Variants in WNT4 observed in about 807,000 individuals in gnomAD.
WNT4 encodes Wnt family member 4.
In WNT4, 16 loss-of-function variants were observed where a neutral mutation model predicts 34.5. That is an observed-to-expected ratio of 0.46 (90% CI 0.31 to 0.70). WNT4 has a LOEUF of 0.70. Ranked by LOEUF, WNT4 falls within the 30% of genes least tolerant of loss-of-function variation. The pLI, the probability that WNT4 is intolerant of heterozygous loss-of-function variation, is 0.04. For missense variants in WNT4, 379 were observed against 495.9 expected (o/e 0.76, Z 2.24); for synonymous variants, 200 against 211.9 (o/e 0.94, Z 0.49).
In WNT4 at chr1:22,119,652, C is replaced by A. The variant is rs932029048; in HGVS notation, c.*398G>T. On this transcript the variant is annotated 3_prime_UTR_variant, in exon 5 of 5. Coordinates refer to ENST00000290167, the MANE Select transcript of WNT4 (RefSeq NM_030761.5). ...GGGTGTGACTTCCATCAAGTCGGTA[C>A]CTATTTTCCCTGCCATAAGGCCCCC... 1 of 313,912 alleles carries A rather than the reference C, an allele frequency of 3.2e-6. No homozygotes were observed. The highest frequency in any genetic ancestry group is 6.1e-6 in the Non-Finnish European group (1 of 164,502). 19.4% of individuals were successfully genotyped at this position (313,912 alleles called of 1,614,324 possible). A position where few individuals can be genotyped will look rare whatever the true frequency, so the allele number is the denominator to read the frequency against.
intron 1 of WNT4, among the ~76,000 whole-genome samples, chr1:22,135,105 G>A (rs1413953721): frequency 1.3e-5 from 2 of 152,182 alleles, no homozygotes; most frequent in African/African-American, 2.4e-5. Context: ...GTGCTGCTAG[G>A]ACATCAAGAG....
At chr1:22,133,706 T>C (rs149144834) in intron 1 of WNT4, among the ~76,000 whole-genome samples, 117 of 152,298 alleles carry the variant, frequency 7.7e-4, no homozygotes, top group African/African-American at 2.6e-3. Flanking sequence ...GCCATGCCGT[T>C]GATCAGGTTA....
Position 22,118,143 on chromosome 1 carries a change from CTT to C in WNT4, c.*1905_*1906del, listed in dbSNP as rs1447899097. 1 of 152,242 alleles carries C rather than the reference CTT, an allele frequency of 6.6e-6. No individual in the cohort carries two copies. Among genetic ancestry groups the C allele is most frequent in the Non-Finnish European group, 1.5e-5 (1 of 68,060 alleles). 9.4% of individuals were successfully genotyped at this position (152,242 alleles called of 1,614,324 possible). On this transcript the variant is annotated 3_prime_UTR_variant, in exon 5 of 5. Coordinates refer to ENST00000290167, the MANE Select transcript of WNT4 (RefSeq NM_030761.5). The stretch of plus-strand genomic sequence containing the variant: ...GCTGGGGGCCAAGGGTGTTGACCCT[CTT>C]TTCATGAGGGAGCCAACACTAGGAG...
In WNT4 at chr1:22,142,839, G is replaced by T; in HGVS notation, c.77+7C>A. 1 of 1,202,552 alleles carries T rather than the reference G, an allele frequency of 8.3e-7. No homozygotes were observed. Among genetic ancestry groups the T allele is most frequent in the Non-Finnish European group, 1.1e-6 (1 of 941,758 alleles). 74.5% of individuals were successfully genotyped at this position (1,202,552 alleles called of 1,614,324 possible). A position where few individuals can be genotyped will look rare whatever the true frequency, so the allele number is the denominator to read the frequency against. On this transcript the variant is annotated splice_region_variant and intron_variant, in intron 1 of 4. Transcript: ENST00000290167. The surrounding 1 kb of genome is among the most constrained non-coding windows in gnomAD (Gnocchi z 6.0). Reference sequence around the variant, plus strand: ...GCCCCGCCCCGCTCGGCCCCGGCCAGACTTACAGCCAGTTGCTCGCGGCGG... The same window carrying T: ...GCCCCGCCCCGCTCGGCCCCGGCCATACTTACAGCCAGTTGCTCGCGGCGG...
intron 2 of WNT4, among the ~76,000 whole-genome samples, chr1:22,125,659 T>G (rs1264430348): frequency 6.6e-6 from 1 of 152,102 alleles, no homozygotes; most frequent in Non-Finnish European, 1.5e-5. Flanking sequence ...TCAGAATTCA[T>G]CAAGTCCTTC....
At position 22,139,313 on chromosome 1, in the gene WNT4, G is replaced by A. The variant is rs531191175; in HGVS notation, c.77+3533C>T. ...CTGGCCCAGTGCCAGCTTGCCACAC[G>A]CATGGGCTCGCTCTTTCTTCCCAAC... On this transcript the variant is annotated intron_variant, in intron 1 of 4. Coordinates refer to ENST00000290167, the MANE Select transcript of WNT4 (RefSeq NM_030761.5). The surrounding 1 kb of genome is among the most constrained non-coding windows in gnomAD (Gnocchi z 4.6). 2.0e-5 allele frequency among the ~76,000 whole-genome samples: 3 copies of A among 152,318 alleles called. No individual in the cohort carries two copies. Among genetic ancestry groups the A allele is most frequent in the Admixed American group, 6.5e-5 (1 of 15,300 alleles).
chr1:22,141,329 C>G lies in WNT4; in HGVS notation c.77+1517G>C, dbSNP rs527460333. 2.6e-5 allele frequency among the ~76,000 whole-genome samples: 4 copies of G among 152,150 alleles called. No individual in the cohort carries two copies. The South Asian group carries it at 8.3e-4, about 32-fold the overall frequency. On this transcript the variant is annotated intron_variant, in intron 1 of 4. Transcript: ENST00000290167. ...GGTGCTGGGCAGGTGAGACACAGTT[C>G]TTGCTCCTTCTGATGCTCAGATCTG...
chr1:22,138,808 C>T (rs1227458575), intron 1 of WNT4, among the ~76,000 whole-genome samples: 1 of 152,176 alleles, frequency 6.6e-6, no homozygotes, highest in Non-Finnish European at 1.5e-5. Flanking sequence ...ATCCCTGCCC[C>T]AGGGAGTTGT....
intron 2 of WNT4, among the ~76,000 whole-genome samples, chr1:22,124,406 C>T (rs570710135): frequency 1.3e-5 from 2 of 152,182 alleles, no homozygotes; most frequent in Non-Finnish European, 2.9e-5. Flanking sequence ...ACGTCACAGG[C>T]CTAAATACTG....
chr1:22,119,773 C>T lies in WNT4; in HGVS notation c.*277G>A, dbSNP rs915719718. 9.0e-6 allele frequency: 5 copies of T among 552,962 alleles called. No homozygotes were observed. Among genetic ancestry groups the T allele is most frequent in the African/African-American group, 7.6e-5 (4 of 52,926 alleles). The allele number at this position is 552,962 out of a possible 1,614,324, so 34.3% of individuals were successfully genotyped here. On this transcript the variant is annotated 3_prime_UTR_variant, in exon 5 of 5. Transcript: ENST00000290167. The stretch of plus-strand genomic sequence containing the variant: ...GTAGAAAAACGGACACAGATAACAA[C>T]TGAGTGGTCAGTGGCAGCCACATGC...
chr1:22,133,828 C>A (rs1646001266), intron 1 of WNT4, among the ~76,000 whole-genome samples: 1 of 152,266 alleles, frequency 6.6e-6, no homozygotes, highest in Non-Finnish European at 1.5e-5. Flanking sequence ...CTCCCCGAGC[C>A]CGGCCCGTGC....
chr1:22,138,722 G>A (rs1184136107), intron 1 of WNT4, among the ~76,000 whole-genome samples: 3 of 151,636 alleles, frequency 2.0e-5, no homozygotes, highest in Non-Finnish European at 4.4e-5. Context: ...GGGAATCAAG[G>A]GCACACTTCC....
rs891823608 is a variant in WNT4, at chr1:22,141,427, A to G, written c.77+1419T>C. On this transcript the variant is annotated intron_variant, in intron 1 of 4. Transcript: ENST00000290167. ...GGGACACCCAGGGTCCTCCAAGTCC[A>G]AATCAGCTCCCTCCCCAGCTCTGTG... 9.9e-5 allele frequency among the ~76,000 whole-genome samples: 15 copies of G among 152,214 alleles called. 1 individual carries two copies. The highest frequency in any genetic ancestry group is 3.4e-4 in the African/African-American group (14 of 41,520).
At position 22,120,282 on chromosome 1, in the gene WNT4, G is replaced by C. The variant is rs1268239447; in HGVS notation, c.824C>G (p.Pro275Arg). ...HTDEDLVYLE[P>R]SPDFCEQDMR... Reference sequence around the variant, plus strand: ...GTCCTGCTCACAGAAGTCGGGGCTAGGCTCCAAGTACACCAGGTCCTCATC... The same window carrying C: ...GTCCTGCTCACAGAAGTCGGGGCTACGCTCCAAGTACACCAGGTCCTCATC... Residue 275 changes from proline to arginine, a missense_variant, in exon 5 of 5, where the codon CCT becomes CGT. Around this residue, in one of 2 missense-constraint regions of WNT4, gnomAD observed 313 missense variants for 445.8 expected, o/e 0.70. Transcript: ENST00000290167. The C allele has an allele frequency of 6.2e-7, 1 of 1,614,234 alleles. No individual in the cohort carries two copies. The highest frequency in any genetic ancestry group is 1.1e-5 in the South Asian group (1 of 91,090).
chr1:22,129,833 C>T lies in WNT4; in HGVS notation c.96G>A (p.Ser32=), dbSNP rs144407094. 404 of 1,613,876 alleles carry T rather than the reference C, an allele frequency of 2.5e-4. No homozygotes were observed. Among genetic ancestry groups the T allele is most frequent in the Admixed American group, 1.9e-3 (116 of 60,030 alleles). The change falls in exon 2 of 5, where the codon TCG becomes TCA. Residue 32 remains serine, a synonymous_variant. Coordinates refer to ENST00000290167, the MANE Select transcript of WNT4 (RefSeq NM_030761.5). ...ASNWLYLAKL[S]SVGSISEEET... ...CCTCCTCTGAGATGCTCCCCACCGA[C>T]GACAGCTTGGCCAGGTACCTGGGGA...
In WNT4 at chr1:22,139,344, T is replaced by A. The variant is rs1397971003; in HGVS notation, c.77+3502A>T. ...GCTCGCTCTTTCTTCCCAACCACCA[T>A]TGTGCACCATTTGCATCAGTGGGCT... On this transcript the variant is annotated intron_variant, in intron 1 of 4. Coordinates refer to ENST00000290167, the MANE Select transcript of WNT4 (RefSeq NM_030761.5). This position sits in a 1 kb window ranked among gnomAD's most constrained non-coding sequence, Gnocchi z 4.6. 6.6e-6 allele frequency among the ~76,000 whole-genome samples: 1 copy of A among 152,180 alleles called. No homozygotes were observed.
intron 1 of WNT4, among the ~76,000 whole-genome samples, chr1:22,132,038 G>C (rs1206806044): frequency 6.6e-6 from 1 of 152,222 alleles, no homozygotes; most frequent in Non-Finnish European, 1.5e-5. Context: ...CCAAGGGGTC[G>C]CCTGTGGAGC....
intron 1 of WNT4, among the ~76,000 whole-genome samples, chr1:22,131,463 A>G (rs1366933945): frequency 6.6e-6 from 1 of 152,182 alleles, no homozygotes; most frequent in Non-Finnish European, 1.5e-5. Flanking sequence ...AACAGTCTGC[A>G]TAAGTATGGG....
At position 22,137,015 on chromosome 1, in the gene WNT4, T is replaced by C. The variant is rs1646027446; in HGVS notation, c.77+5831A>G. On this transcript the variant is annotated intron_variant, in intron 1 of 4. Transcript: ENST00000290167. This position sits in a 1 kb window ranked among gnomAD's most constrained non-coding sequence, Gnocchi z 5.3. ...GGTCTGAAGGGACCATTCACAGTCATCTCGGGGAAGGGCCCTGAGGCCCAT... is the reference window on the plus strand; with the variant it reads ...GGTCTGAAGGGACCATTCACAGTCACCTCGGGGAAGGGCCCTGAGGCCCAT... Among the ~76,000 whole-genome samples, 1 of 152,122 alleles carries C rather than the reference T, an allele frequency of 6.6e-6. No homozygotes were observed. The highest frequency in any genetic ancestry group is 1.5e-5 in the Non-Finnish European group (1 of 68,004).
Sources: allele counts gnomAD v4.1 joint callset (sites outside exome capture counted in the v4.1 genomes callset), GRCh38; gene constraint gnomAD v4.1.1; regional missense constraint gnomAD v4.1.1; non-coding constraint Gnocchi (gnomAD v3.1); transcripts MANE v1.5; gene names NCBI Gene and HGNC (gene_info 2026-07-23, HGNC 2026-07-21).